The following AMPH variants were observed in gnomAD, a reference collection of about 807,000 sequenced individuals.
AMPH encodes the protein amphiphysin.
In AMPH, 49 loss-of-function variants were observed where a neutral mutation model predicts 99.1. The observed-to-expected ratio is 0.49, with a 90% confidence interval of 0.39 to 0.63. The LOEUF (loss-of-function observed/expected upper bound fraction) is 0.63. Ranked by LOEUF, AMPH falls within the 20% of genes least tolerant of loss-of-function variation. AMPH has a pLI of 0.00. For synonymous variants in AMPH, 314 were observed against 317.3 expected, an observed-to-expected ratio of 0.99 and a Z score of 0.11; for missense variants, 759 against 863.4, an observed-to-expected ratio of 0.88 and a Z score of 1.52.
chr7:38,442,826 A>G (rs1786605960), intron 11 of AMPH, among the ~76,000 whole-genome samples: 1 of 152,126 alleles, frequency 6.6e-6, no homozygotes, highest in East Asian at 1.9e-4. Context: ...AACCCAAAGT[A>G]GAAACTGGAA....
intron 1 of AMPH, among the ~76,000 whole-genome samples, chr7:38,576,715 C>G (rs1792259557): frequency 6.6e-6 from 1 of 151,866 alleles, no homozygotes; most frequent in Admixed American, 6.6e-5. Context: ...GAGACAGAAC[C>G]CCCAGACTCA....
intron 7 of AMPH, among the ~76,000 whole-genome samples, chr7:38,470,428 A>G (rs1183378590): frequency 2.0e-5 from 3 of 152,064 alleles, no homozygotes; most frequent in Middle Eastern, 3.4e-3. Context: ...TTTAGTCCTC[A>G]TCTGCTTGAT....
intron 1 of AMPH, among the ~76,000 whole-genome samples, chr7:38,569,161 C>T (rs563669013): frequency 5.9e-4 from 90 of 151,870 alleles, no homozygotes; most frequent in African/African-American, 2.0e-3. Flanking sequence ...TAACCTGCAT[C>T]ATATGAAAGT....
At position 38,390,569 on chromosome 7, in the gene AMPH, G is replaced by GTAAAA. The variant is rs1325884825; in HGVS notation, c.1879-665_1879-664insTTTTA. On this transcript the variant is annotated intron_variant, in intron 19 of 20. Coordinates refer to ENST00000356264, the MANE Select transcript of AMPH (RefSeq NM_001635.4). ...CTTTCCCTCAACTCCACCCCTGAGA[G>GTAAAA]TAAACATTGGCTTTTAAAGTGTGTA... 3.3e-5 allele frequency among the ~76,000 whole-genome samples: 5 copies of GTAAAA among 152,294 alleles called. No homozygotes were observed. In the East Asian group the frequency reaches 9.6e-4, roughly 29 times the overall value.
At chr7:38,628,617 A>C (rs1794342039) in intron 1 of AMPH, among the ~76,000 whole-genome samples, 1 of 152,250 alleles carries the variant, frequency 6.6e-6, no homozygotes, top group Non-Finnish European at 1.5e-5. Context: ...AAGTGAAATA[A>C]ACAGGTCTTC....
At chr7:38,596,144 A>C (rs893120912) in intron 1 of AMPH, among the ~76,000 whole-genome samples, 1 of 152,212 alleles carries the variant, frequency 6.6e-6, no homozygotes, top group African/African-American at 2.4e-5. Context: ...CAAACTGAGA[A>C]AACTCCAACT....
At chr7:38,589,743 G>T (rs1336858282) in intron 1 of AMPH, among the ~76,000 whole-genome samples, 2 of 152,158 alleles carry the variant, frequency 1.3e-5, no homozygotes, top group Non-Finnish European at 1.5e-5. Flanking sequence ...AATTGAGTAT[G>T]TGAAAGTTTA....
chr7:38,558,632 C>A (rs1284846112), intron 1 of AMPH, among the ~76,000 whole-genome samples: 1 of 152,176 alleles, frequency 6.6e-6, no homozygotes, highest in Non-Finnish European at 1.5e-5. Flanking sequence ...AGACATAAAG[C>A]ATTTCCTTTT....
At chr7:38,447,751 AACAC>A (rs34380529) in intron 11 of AMPH, among the ~76,000 whole-genome samples, 8 of 139,704 alleles carry the variant, frequency 5.7e-5, no homozygotes, top group Admixed American at 6.9e-5. Context: ...CAGACAGATA[AACAC>A]ACACACACAC....
At chr7:38,548,139 C>T (rs1791056567) in intron 1 of AMPH, among the ~76,000 whole-genome samples, 1 of 151,608 alleles carries the variant, frequency 6.6e-6, no homozygotes, top group Non-Finnish European at 1.5e-5. Context: ...CGCCATTCTC[C>T]TGCCTCAGCC....
At chr7:38,433,454 G>A (rs972983545) in intron 12 of AMPH, among the ~76,000 whole-genome samples, 25 of 152,020 alleles carry the variant, frequency 1.6e-4, no homozygotes, top group African/African-American at 4.4e-4. Flanking sequence ...GGCCGGGCGC[G>A]GTGGCTCACG....
Position 38,475,314 on chromosome 7 carries a change from T to C in AMPH, c.590+17A>G, listed in dbSNP as rs1788040112. ...TTCTAAAAGGAACATGTGCAACCCA[T>C]AGAGAAACATTTTTACCTTGACCAT... On this transcript the variant is annotated intron_variant, in intron 7 of 20. Transcript: ENST00000356264. The C allele has an allele frequency of 6.4e-7, 1 of 1,563,192 alleles. No homozygotes were observed. The highest frequency in any genetic ancestry group is 1.1e-5 in the South Asian group (1 of 89,638).
At chr7:38,414,032 A>G (rs1013961908) in intron 17 of AMPH, among the ~76,000 whole-genome samples, 3 of 152,242 alleles carry the variant, frequency 2.0e-5, no homozygotes, top group African/African-American at 7.2e-5. Flanking sequence ...TCTATTTACC[A>G]CATCTCTGTA....
At chr7:38,479,747 ATAAAT>A (rs543756636) in intron 5 of AMPH, among the ~76,000 whole-genome samples, 343 of 149,322 alleles carry the variant, frequency 2.3e-3, no homozygotes, top group Admixed American at 4.6e-3. Flanking sequence ...CAACTAAGAA[ATAAAT>A]TAATAAAGAA....
intron 1 of AMPH, among the ~76,000 whole-genome samples, chr7:38,543,022 A>T (rs1016889056): frequency 6.6e-6 from 1 of 151,788 alleles, no homozygotes; most frequent in African/African-American, 2.4e-5. Context: ...TGAACCCAGG[A>T]GGCAGAGGTT....
intron 11 of AMPH, among the ~76,000 whole-genome samples, chr7:38,453,869 G>A (rs919546255): frequency 1.3e-5 from 2 of 152,318 alleles, no homozygotes; most frequent in East Asian, 1.9e-4. Flanking sequence ...CTCCCAGTTC[G>A]AAAATTCATG....
intron 2 of AMPH, among the ~76,000 whole-genome samples, chr7:38,505,810 A>G (rs1421207529): frequency 1.3e-5 from 2 of 152,150 alleles, no homozygotes; most frequent in Admixed American, 6.5e-5. Flanking sequence ...TTCCCCTACT[A>G]AATATCCATT....
At chr7:38,406,853 T>C (rs11763753) in intron 17 of AMPH, among the ~76,000 whole-genome samples, 100,567 of 144,056 alleles carry the variant, frequency 0.7, 35,836 homozygotes, top group East Asian at 0.96. Context: ...CTCTTGGGGG[T>C]TCTCAGGCCT....
At chr7:38,475,846 G>A (rs770727937) in intron 6 of AMPH, among the ~76,000 whole-genome samples, 2 of 152,316 alleles carry the variant, frequency 1.3e-5, no homozygotes, top group African/African-American at 2.4e-5. Flanking sequence ...AAGAGAGAAG[G>A]TAATTTTTTA....
Sources: gnomAD v4.1 joint callset for allele counts (sites outside exome capture counted in the v4.1 genomes callset) on GRCh38, gnomAD v4.1.1 for gene constraint, MANE v1.5 for transcripts, NCBI Gene and HGNC (gene_info 2026-07-23, HGNC 2026-07-21) for gene names.